ATRNL1: variants seen among roughly 807,000 people sequenced by gnomAD.
ATRNL1 encodes the protein attractin-like protein 1.
In ATRNL1, 95 loss-of-function variants were observed where a neutral mutation model predicts 182.7. The ratio of observed to expected loss-of-function variants is 0.52; its 90% confidence interval spans 0.44 to 0.62. The LOEUF (loss-of-function observed/expected upper bound fraction) is 0.62. Among genes scored for constraint, ATRNL1 ranks in the 20% least tolerant of loss-of-function variants. The pLI is 0.00. For synonymous variants in ATRNL1, 576 were observed against 568.3 expected (o/e 1.01, Z -0.19); for missense variants, 1,471 against 1,679.5 (o/e 0.88, Z 2.17).
chr10:115,318,724 G>T (rs1165335365), intron 18 of ATRNL1, among the ~76,000 whole-genome samples: 2 of 151,934 alleles, frequency 1.3e-5, no homozygotes, highest in African/African-American at 4.8e-5. Flanking sequence ...ATTTCTGTGG[G>T]GTCAGTGGTC....
chr10:115,540,772 A>AG (rs35103558), intron 25 of ATRNL1, among the ~76,000 whole-genome samples: 2 of 30,540 alleles, frequency 6.5e-5, no homozygotes, highest in Admixed American at 2.3e-4. Context: ...AAAAAAAAAA[A>AG]GGGGGGAGGG....
chr10:115,746,755 A>G (rs1555069281), intron 27 of ATRNL1, among the ~76,000 whole-genome samples: 2 of 152,102 alleles, frequency 1.3e-5, no homozygotes, highest in African/African-American at 2.4e-5. Flanking sequence ...ACTTCACATC[A>G]TTAGGAATTC....
chr10:115,903,828 G>GTGGC (rs1952424879), intron 28 of ATRNL1, among the ~76,000 whole-genome samples: 1 of 152,174 alleles, frequency 6.6e-6, no homozygotes, highest in South Asian at 2.1e-4. Context: ...GGAGAAGGCA[G>GTGGC]TGGCAAGGAG....
intron 24 of ATRNL1, among the ~76,000 whole-genome samples, chr10:115,492,040 C>A (rs1278490500): frequency 6.6e-6 from 1 of 152,148 alleles, no homozygotes; most frequent in African/African-American, 2.4e-5. Context: ...GATGCCCTAT[C>A]CTGCTTCAGC....
At chr10:115,456,014 G>A (rs1358175590) in intron 21 of ATRNL1, among the ~76,000 whole-genome samples, 1 of 152,158 alleles carries the variant, frequency 6.6e-6, no homozygotes, top group Non-Finnish European at 1.5e-5. Context: ...TGGAGAAATA[G>A]GAATGCTTTT....
At chr10:115,374,441 C>CCT (rs1452235113) in intron 19 of ATRNL1, among the ~76,000 whole-genome samples, 11 of 125,150 alleles carry the variant, frequency 8.8e-5, no homozygotes, top group East Asian at 2.0e-4. Context: ...CCTTCTCCTT[C>CCT]TCCTTCCTTC....
rs145068001 is a variant in ATRNL1 at position 115,630,351 on chromosome 10, A to T, written c.3795+80815A>T. Reference sequence around the variant, plus strand: ...CTGATAGGATGCCTGTTATCAAAAAATAAAAAGTACAAGTGTTGGTGATGA... The same window carrying T: ...CTGATAGGATGCCTGTTATCAAAAATTAAAAAGTACAAGTGTTGGTGATGA... On this transcript the variant is annotated intron_variant, in intron 26 of 28. Coordinates refer to ENST00000355044, the MANE Select transcript of ATRNL1 (RefSeq NM_207303.4). Among the ~76,000 whole-genome samples, 265 of 152,234 alleles carry T rather than the reference A, an allele frequency of 1.7e-3. 1 individual carries two copies. The highest frequency in any genetic ancestry group is 6.1e-3 in the African/African-American group (253 of 41,578).
intron 26 of ATRNL1, among the ~76,000 whole-genome samples, chr10:115,565,287 A>G (rs17724768): frequency 0.18 from 27,222 of 151,968 alleles, 3,074 homozygotes; most frequent in Non-Finnish European, 0.26. Flanking sequence ...ATTAAATTAA[A>G]ATGTTGGCAA....
At chr10:115,596,096 C>A (rs1013165495) in intron 26 of ATRNL1, among the ~76,000 whole-genome samples, 1 of 151,916 alleles carries the variant, frequency 6.6e-6, no homozygotes, top group African/African-American at 2.4e-5. Context: ...AATGTGACGC[C>A]CAAATTATGT....
chr10:115,155,302 A>G (rs1846455868), intron 5 of ATRNL1, among the ~76,000 whole-genome samples: 1 of 152,000 alleles, frequency 6.6e-6, no homozygotes. Context: ...TTTGTTTACA[A>G]TCAAGGTTTC....
chr10:115,106,051 C>T (rs538459632), intron 1 of ATRNL1, among the ~76,000 whole-genome samples: 123 of 152,288 alleles, frequency 8.1e-4, no homozygotes, highest in African/African-American at 2.7e-3. Flanking sequence ...CGCAGATGTT[C>T]AACGACAGCC....
chr10:115,713,579 C>T (rs1178246051), intron 26 of ATRNL1, among the ~76,000 whole-genome samples: 2 of 149,668 alleles, frequency 1.3e-5, no homozygotes, highest in Non-Finnish European at 3.0e-5. Context: ...AAGCCTAACA[C>T]TAACCATTTA....
chr10:115,713,715 T>TCATCTATCTAG lies in ATRNL1; in HGVS notation c.3796-13532_3796-13531insATCTATCTAGC, dbSNP rs1565310974. Among the ~76,000 whole-genome samples, 376 of 151,098 alleles carry TCATCTATCTAG rather than the reference T, an allele frequency of 2.5e-3. 2 individuals carry two copies. The highest frequency in any genetic ancestry group is 8.7e-3 in the African/African-American group (354 of 40,870). The stretch of plus-strand genomic sequence containing the variant: ...TATCTATCTATCTATCATCTATCTA[T>TCATCTATCTAG]CTATCTATCTATCTATCTATCTATC... On this transcript the variant is annotated intron_variant, in intron 26 of 28. Transcript: ENST00000355044.
rs142258817 is a variant in ATRNL1, at chr10:115,734,109, T to A, written c.3903+6754T>A. 7.5e-3 allele frequency among the ~76,000 whole-genome samples: 1,147 copies of A among 152,254 alleles called. 16 individuals carry two copies. The highest frequency in any genetic ancestry group is 0.026 in the African/African-American group (1,084 of 41,564). ...CATCATTTATTTGCCTATTCTGTTT[T>A]CAATTAGCATTATTCTAATTTCACA... On this transcript the variant is annotated intron_variant, in intron 27 of 28. Transcript: ENST00000355044.
chr10:115,630,686 T>A (rs892307513), intron 26 of ATRNL1, among the ~76,000 whole-genome samples: 15 of 148,298 alleles, frequency 1.0e-4, no homozygotes, highest in African/African-American at 3.7e-4. Context: ...ATTTAGTATT[T>A]ATATATGTAT....
chr10:115,901,950 A>G (rs551431627), intron 28 of ATRNL1, among the ~76,000 whole-genome samples: 11 of 152,124 alleles, frequency 7.2e-5, no homozygotes, highest in Admixed American at 3.3e-4. Flanking sequence ...AAAGATCTCA[A>G]TGCTACCAGC....
chr10:115,423,335 A>T (rs1845729503), intron 20 of ATRNL1, among the ~76,000 whole-genome samples: 1 of 152,032 alleles, frequency 6.6e-6, no homozygotes, highest in Non-Finnish European at 1.5e-5. Flanking sequence ...GGAGTTGGAG[A>T]CCAGCCTGGC....
intron 21 of ATRNL1, among the ~76,000 whole-genome samples, chr10:115,453,315 C>T (rs1209071841): frequency 6.7e-6 from 1 of 148,708 alleles, no homozygotes; most frequent in African/African-American, 2.4e-5. Flanking sequence ...TTCCCATAAA[C>T]AGTATACAAG....
At chr10:115,310,837 G>A (rs114200061) in intron 17 of ATRNL1, among the ~76,000 whole-genome samples, 1,787 of 152,106 alleles carry the variant, frequency 0.012, 33 homozygotes, top group African/African-American at 0.04. Flanking sequence ...TCTGAGATTT[G>A]TTATTTTATT....
Sources: gnomAD v4.1 joint callset for allele counts (sites outside exome capture counted in the v4.1 genomes callset) on GRCh38, gnomAD v4.1.1 for gene constraint, MANE v1.5 for transcripts, NCBI Gene and HGNC (gene_info 2026-07-23, HGNC 2026-07-21) for gene names.